MAPKAP1: variants seen among roughly 807,000 people sequenced by gnomAD.
MAPKAP1 encodes the protein target of rapamycin complex 2 subunit MAPKAP1.
Under a neutral mutation model 65.7 loss-of-function variants are expected in MAPKAP1, and 20 were observed. The observed-to-expected ratio is 0.30, with a 90% CI of 0.21 to 0.44. MAPKAP1 has a LOEUF of 0.44. Among genes scored for constraint, MAPKAP1 ranks in the 20% least tolerant of loss-of-function variants. The pLI, the probability that MAPKAP1 is intolerant of heterozygous loss-of-function variation, is 1.00. For missense variants in MAPKAP1, 423 were observed against 648.0 expected, an observed-to-expected ratio of 0.65 and a Z score of 3.77; for synonymous variants, 222 against 244.3, an observed-to-expected ratio of 0.91 and a Z score of 0.85.
At chr9:125,551,450 A>G (rs1460836644) in intron 6 of MAPKAP1, among the ~76,000 whole-genome samples, 1 of 152,170 alleles carries the variant, frequency 6.6e-6, no homozygotes, top group African/African-American at 2.4e-5. Flanking sequence ...AGCCTGCCCA[A>G]GGCAGCCCAG....
At chr9:125,444,698 G>A in intron 10 of MAPKAP1, 100 bp from the exon 11 acceptor site, 3 of 786,252 alleles carry the variant, frequency 3.8e-6, no homozygotes, top group Non-Finnish European at 6.3e-6. Context: ...GCGAGAGCAA[G>A]TGGAGGCTGA....
intron 10 of MAPKAP1, among the ~76,000 whole-genome samples, chr9:125,444,917 CTAAT>C (rs770187384): frequency 6.6e-6 from 1 of 152,114 alleles, no homozygotes; most frequent in Non-Finnish European, 1.5e-5. Flanking sequence ...AGGGAGAAGG[CTAAT>C]TAACTCCACA....
rs755633623 is a variant in MAPKAP1 at position 125,521,764 on chromosome 9, A to C, written c.959-15347T>G. ...GAAATTAGTGAATTTAGTCACAAGC[A>C]CCTAAGGACAAAAAACAGAAGAAAC... On this transcript the variant is annotated intron_variant, in intron 7 of 11. Transcript: ENST00000265960. 2.7e-5 allele frequency: 43 copies of C among 1,612,804 alleles called. 1 individual carries two copies. Among genetic ancestry groups the C allele is most frequent in the Admixed American group, 8.4e-5 (5 of 59,818 alleles).
chr9:125,580,743 G>A (rs930987175), intron 5 of MAPKAP1, among the ~76,000 whole-genome samples: 1 of 151,730 alleles, frequency 6.6e-6, no homozygotes, highest in Non-Finnish European at 1.5e-5. Context: ...GTACTTGTGT[G>A]TGTGTGTGTT....
At chr9:125,670,248 ATGAAC>A (rs1834457521) in intron 2 of MAPKAP1, among the ~76,000 whole-genome samples, 1 of 152,166 alleles carries the variant, frequency 6.6e-6, no homozygotes, top group East Asian at 1.9e-4. Flanking sequence ...TAATGCACAA[ATGAAC>A]TGAAGTGAAT....
intron 3 of MAPKAP1, among the ~76,000 whole-genome samples, chr9:125,666,051 T>A (rs552531749): frequency 2.6e-5 from 4 of 152,342 alleles, no homozygotes; most frequent in African/African-American, 9.6e-5. Context: ...GGGTAATAAC[T>A]AATTATGTAC....
chr9:125,476,565 G>A (rs1854119512), intron 9 of MAPKAP1, among the ~76,000 whole-genome samples: 1 of 152,094 alleles, frequency 6.6e-6, no homozygotes, highest in African/African-American at 2.4e-5. Flanking sequence ...AACTAACAAG[G>A]GAAAATGTTT....
chr9:125,539,903 T>C (rs1295925622), intron 7 of MAPKAP1, among the ~76,000 whole-genome samples: 2 of 152,122 alleles, frequency 1.3e-5, no homozygotes, highest in Non-Finnish European at 2.9e-5. Flanking sequence ...CATTTAAAAA[T>C]AGGCATAAAA....
chr9:125,694,626 A>T (rs1315089981), intron 1 of MAPKAP1, among the ~76,000 whole-genome samples: 1 of 152,194 alleles, frequency 6.6e-6, no homozygotes, highest in Non-Finnish European at 1.5e-5. Flanking sequence ...AGAATGTTAG[A>T]CACACTTTAT....
chr9:125,613,559 A>T (rs964330030), intron 4 of MAPKAP1, among the ~76,000 whole-genome samples: 1 of 152,188 alleles, frequency 6.6e-6, no homozygotes, highest in East Asian at 1.9e-4. Context: ...ACTGCATCAC[A>T]GTCCCAACTC....
intron 9 of MAPKAP1, among the ~76,000 whole-genome samples, chr9:125,473,765 C>CTT (rs1854009593): frequency 6.6e-6 from 1 of 152,164 alleles, no homozygotes; most frequent in Non-Finnish European, 1.5e-5. Flanking sequence ...CTTAGAACAC[C>CTT]TCTAATCAGG....
At chr9:125,484,692 GAGA>G in intron 8 of MAPKAP1, 109 bp from the exon 9 acceptor site, 1 of 1,088,106 alleles carries the variant, frequency 9.2e-7, no homozygotes, top group African/African-American at 1.6e-5. Flanking sequence ...ATTTAATTTG[GAGA>G]AGAAAAGGCT....
intron 8 of MAPKAP1, among the ~76,000 whole-genome samples, chr9:125,490,689 G>GTGTCAGGCC (rs1284884912): frequency 2.6e-5 from 4 of 152,170 alleles, no homozygotes; most frequent in African/African-American, 9.7e-5. Context: ...CAACATATCT[G>GTGTCAGGCC]TGTCAGGCCA....
At chr9:125,496,793 C>T (rs1044687833) in intron 8 of MAPKAP1, among the ~76,000 whole-genome samples, 6 of 152,142 alleles carry the variant, frequency 3.9e-5, no homozygotes, top group East Asian at 1.9e-4. Flanking sequence ...CACTTAAAGA[C>T]GCTTATTCAA....
intron 6 of MAPKAP1, among the ~76,000 whole-genome samples, chr9:125,550,734 T>C (rs1197667867): frequency 2.0e-5 from 3 of 152,152 alleles, no homozygotes; most frequent in African/African-American, 7.2e-5. Flanking sequence ...GATTTACAAA[T>C]ACAAAATTAA....
chr9:125,502,872 G>C (rs1198771114), intron 8 of MAPKAP1, among the ~76,000 whole-genome samples: 1 of 152,076 alleles, frequency 6.6e-6, no homozygotes, highest in African/African-American at 2.4e-5. Context: ...CAATTACTGA[G>C]AGTTAAAACC....
At chr9:125,560,345 G>A (rs1224622434) in intron 5 of MAPKAP1, among the ~76,000 whole-genome samples, 1 of 152,122 alleles carries the variant, frequency 6.6e-6, no homozygotes, top group Non-Finnish European at 1.5e-5. Context: ...CAGCACTTTG[G>A]GAGGCTGAGG....
intron 5 of MAPKAP1, chr9:125,567,580 G>C (rs1831098226): frequency 6.6e-6 from 1 of 152,152 alleles, no homozygotes. Context: ...AGCTCCCGGG[G>C]CTGCTCTGTC....
intron 4 of MAPKAP1, among the ~76,000 whole-genome samples, chr9:125,613,136 G>A (rs529609763): frequency 6.6e-6 from 1 of 152,142 alleles, no homozygotes; most frequent in Admixed American, 6.5e-5. Flanking sequence ...GTAGAAACAG[G>A]ACTGTAGATC....
Sources: allele counts gnomAD v4.1 joint callset (sites outside exome capture counted in the v4.1 genomes callset), GRCh38; gene constraint gnomAD v4.1.1; transcripts MANE v1.5; gene names NCBI Gene and HGNC (gene_info 2026-07-23, HGNC 2026-07-21).